The following KATNBL1 variants were observed in gnomAD, a reference collection of about 807,000 sequenced individuals.
KATNBL1 encodes the protein katanin regulatory subunit B1 like 1.
KATNBL1 carries 28 observed loss-of-function variants against 44.7 expected under a neutral mutation model. That is an observed-to-expected ratio of 0.63 (90% CI 0.46 to 0.86). The LOEUF (loss-of-function observed/expected upper bound fraction) is 0.86. Ranked by LOEUF, KATNBL1 falls within the 40% of genes least tolerant of loss-of-function variation. The pLI is 0.00. For missense variants in KATNBL1, 272 were observed against 350.7 expected, an observed-to-expected ratio of 0.78 and a Z score of 1.79; for synonymous variants, 78 against 114.9, an observed-to-expected ratio of 0.68 and a Z score of 2.06.
At chr15:34,201,545 C>A (rs896725362) in intron 1 of KATNBL1, among the ~76,000 whole-genome samples, 23 of 152,110 alleles carry the variant, frequency 1.5e-4, no homozygotes, top group Non-Finnish European at 2.8e-4. Context: ...TACATATTTT[C>A]TTAAATGGCT....
chr15:34,187,156 C>T (rs1046343833), intron 1 of KATNBL1, among the ~76,000 whole-genome samples: 3 of 152,158 alleles, frequency 2.0e-5, no homozygotes, highest in Non-Finnish European at 2.9e-5. Flanking sequence ...GTACCCGCTC[C>T]GCTGAATGCT....
intron 1 of KATNBL1, among the ~76,000 whole-genome samples, chr15:34,191,154 CAT>C (rs57428240): frequency 0.048 from 6,540 of 135,910 alleles, 182 homozygotes; most frequent in Non-Finnish European, 0.056. Flanking sequence ...AATCATAGAC[CAT>C]ATATATATAT....
intron 1 of KATNBL1, among the ~76,000 whole-genome samples, chr15:34,197,757 A>C (rs1401780290): frequency 1.3e-5 from 2 of 151,892 alleles, no homozygotes; most frequent in Non-Finnish European, 2.9e-5. Context: ...GGTTTATTTT[A>C]TTTTTTTTGA....
At chr15:34,208,500 A>G (rs1169173346) in intron 1 of KATNBL1, 2 of 152,262 alleles carry the variant, frequency 1.3e-5, no homozygotes, top group East Asian at 3.8e-4. Context: ...TCAAGTACAG[A>G]ATAACCACTC....
chr15:34,205,386 A>G (rs1470937727), intron 1 of KATNBL1, among the ~76,000 whole-genome samples: 1 of 152,160 alleles, frequency 6.6e-6, no homozygotes, highest in Non-Finnish European at 1.5e-5. Context: ...ACAACAGTAA[A>G]TGTCCTGTTA....
intron 1 of KATNBL1, among the ~76,000 whole-genome samples, chr15:34,168,173 T>C (rs1274533989): frequency 6.6e-6 from 1 of 152,078 alleles, no homozygotes; most frequent in Non-Finnish European, 1.5e-5. Flanking sequence ...GACCTATCGG[T>C]GTGCTGTATT....
At chr15:34,145,646 G>C (rs1325215116) in intron 8 of KATNBL1, 155 bp from the exon 9 acceptor site, 2 of 664,998 alleles carry the variant, frequency 3.0e-6, no homozygotes, top group Non-Finnish European at 4.1e-6. Flanking sequence ...GGAACGTGGA[G>C]AGAAATTAAA....
rs1004449223 is a variant in KATNBL1, at chr15:34,186,834, G to A, written c.-15+23117C>T. 2.0e-5 allele frequency among the ~76,000 whole-genome samples: 3 copies of A among 152,228 alleles called. No homozygotes were observed. The East Asian group carries it at 5.8e-4, about 29-fold the overall frequency. ...AGAGTCCTGGATGGAAGGGGGCAGG[G>A]TCCCCAGTAAGGCCCCACCCTCAGG... is the stretch of plus-strand genomic sequence containing the variant. On this transcript the variant is annotated intron_variant, in intron 1 of 9. Coordinates refer to ENST00000256544, the MANE Select transcript of KATNBL1 (RefSeq NM_024713.3).
intron 9 of KATNBL1, chr15:34,145,136 CT>C: frequency 8.8e-7 from 1 of 1,139,354 alleles, no homozygotes; most frequent in African/African-American, 1.6e-5. Context: ...ATACTTTTCT[CT>C]GATTAAAACC....
intron 1 of KATNBL1, among the ~76,000 whole-genome samples, chr15:34,172,537 G>C (rs1374366678): frequency 6.6e-6 from 1 of 152,132 alleles, no homozygotes; most frequent in African/African-American, 2.4e-5. Flanking sequence ...GATTACAGGT[G>C]TAAGCCACTG....
At chr15:34,152,405 T>C (rs1314320785) in intron 4 of KATNBL1, among the ~76,000 whole-genome samples, 3 of 152,186 alleles carry the variant, frequency 2.0e-5, no homozygotes, top group Non-Finnish European at 4.4e-5. Flanking sequence ...GGTTTCACCA[T>C]GTTGGCCAGG....
At chr15:34,202,769 T>C (rs566264162) in intron 1 of KATNBL1, among the ~76,000 whole-genome samples, 2 of 152,274 alleles carry the variant, frequency 1.3e-5, no homozygotes, top group East Asian at 1.9e-4. Context: ...GGTGGGCGGA[T>C]TGCCTGAGGT....
chr15:34,184,858 C>A (rs936851906), intron 1 of KATNBL1, among the ~76,000 whole-genome samples: 2 of 151,988 alleles, frequency 1.3e-5, no homozygotes, highest in African/African-American at 4.8e-5. Flanking sequence ...CAGGCATGAG[C>A]CACTGTGACT....
intron 1 of KATNBL1, among the ~76,000 whole-genome samples, chr15:34,179,999 C>T (rs529179413): frequency 2.6e-4 from 40 of 152,260 alleles, no homozygotes; most frequent in South Asian, 4.1e-4. Context: ...TTAACTTTTC[C>T]AAAATTAGGA....
intron 2 of KATNBL1, among the ~76,000 whole-genome samples, chr15:34,162,359 T>G (rs767296198): frequency 1.3e-5 from 2 of 152,216 alleles, no homozygotes; most frequent in Non-Finnish European, 2.9e-5. Context: ...TTCTCTCGTC[T>G]GCTGCCACGT....
intron 1 of KATNBL1, among the ~76,000 whole-genome samples, chr15:34,181,806 A>ATC (rs1889562973): frequency 1.3e-5 from 1 of 77,142 alleles, no homozygotes; most frequent in Non-Finnish European, 2.5e-5. Context: ...CCATATATAT[A>ATC]CATATATACA....
chr15:34,165,319 T>C (rs973416177), intron 1 of KATNBL1, among the ~76,000 whole-genome samples: 6 of 151,546 alleles, frequency 4.0e-5, no homozygotes, highest in Middle Eastern at 3.2e-3. Flanking sequence ...AATGTGAGAT[T>C]TTTTTTTTCA....
At chr15:34,197,169 A>T (rs1397920801) in intron 1 of KATNBL1, among the ~76,000 whole-genome samples, 1 of 152,234 alleles carries the variant, frequency 6.6e-6, no homozygotes, top group Non-Finnish European at 1.5e-5. Flanking sequence ...TACCTTTGAA[A>T]ATCTGACAAA....
chr15:34,178,072 C>G (rs1420032793), intron 1 of KATNBL1: 1 of 151,908 alleles, frequency 6.6e-6, no homozygotes, highest in Non-Finnish European at 1.5e-5. Flanking sequence ...TTTTTTAACC[C>G]AGAGATGTCA....
Sources: allele counts gnomAD v4.1 joint callset (sites outside exome capture counted in the v4.1 genomes callset), GRCh38; gene constraint gnomAD v4.1.1; transcripts MANE v1.5; gene names NCBI Gene and HGNC (gene_info 2026-07-23, HGNC 2026-07-21).